CPNE3: variants seen among roughly 807,000 people sequenced by gnomAD.
CPNE3 encodes copine 3.
CPNE3 carries 68 observed loss-of-function variants against 63.9 expected under a neutral mutation model. That is an observed-to-expected ratio of 1.06 (90% confidence interval 0.87 to 1.30). The LOEUF (loss-of-function observed/expected upper bound fraction) is 1.30. Among genes scored for constraint, CPNE3 ranks in the 50% most tolerant of loss-of-function variants. CPNE3 has a pLI of 0.00. For synonymous variants in CPNE3, 219 were observed against 197.5 expected, an observed-to-expected ratio of 1.11 and a Z score of -0.91; for missense variants, 665 against 578.1, an observed-to-expected ratio of 1.15 and a Z score of -1.54.
At chr8:86,529,721 G>A (rs1482465882) in intron 4 of CPNE3, among the ~76,000 whole-genome samples, 1 of 152,142 alleles carries the variant, frequency 6.6e-6, no homozygotes, top group Non-Finnish European at 1.5e-5. Context: ...CGTGTCTCAT[G>A]GCTCCCCATT....
intron 12 of CPNE3, among the ~76,000 whole-genome samples, chr8:86,549,352 C>G (rs1831567078): frequency 6.6e-6 from 1 of 151,986 alleles, no homozygotes. Flanking sequence ...GAAAGGTGGT[C>G]AAATATAACA....
chr8:86,530,601 T>C (rs1820653669), intron 4 of CPNE3, among the ~76,000 whole-genome samples: 1 of 152,146 alleles, frequency 6.6e-6, no homozygotes, highest in Admixed American at 6.5e-5. Context: ...TTCACATACA[T>C]AGGAAGTTAA....
At chr8:86,534,281 A>G (rs1187781407) in intron 6 of CPNE3, among the ~76,000 whole-genome samples, 1 of 152,182 alleles carries the variant, frequency 6.6e-6, no homozygotes. Context: ...GGTGGCATGT[A>G]ATTCCATCAG....
chr8:86,527,462 G>A (rs892331860), intron 2 of CPNE3, among the ~76,000 whole-genome samples: 2 of 152,164 alleles, frequency 1.3e-5, no homozygotes, highest in Admixed American at 6.5e-5. Flanking sequence ...TGGGGAAGGA[G>A]GGGTCTATGG....
intron 14 of CPNE3, among the ~76,000 whole-genome samples, chr8:86,552,261 T>C (rs1821197940): frequency 6.6e-6 from 1 of 152,174 alleles, no homozygotes. Flanking sequence ...CATGAACAAT[T>C]TTTGTGGCGG....
At chr8:86,551,929 G>C (rs558204401) in intron 14 of CPNE3, among the ~76,000 whole-genome samples, 84 of 152,370 alleles carry the variant, frequency 5.5e-4, no homozygotes, top group African/African-American at 2.0e-3. Context: ...GCCTCCCAAA[G>C]TACTGGGATT....
chr8:86,533,012 CTTTT>C (rs1820714937), intron 6 of CPNE3, among the ~76,000 whole-genome samples: 1 of 145,968 alleles, frequency 6.9e-6, no homozygotes, highest in African/African-American at 2.5e-5. Flanking sequence ...TATAATAATT[CTTTT>C]ATCTATCTTA....
chr8:86,529,006 T>A lies in CPNE3; in HGVS notation c.194T>A (p.Ile65Asn). 6.2e-7 allele frequency: 1 copy of A among 1,613,862 alleles called. No homozygotes were observed. Among genetic ancestry groups the A allele is most frequent in the South Asian group, 1.1e-5 (1 of 91,080 alleles). Residue 65 changes from isoleucine to asparagine, a missense_variant, in exon 4 of 17, where the codon ATT becomes AAT. By Grantham distance (149) the Ile-to-Asn change is moderately radical (BLOSUM62 -3). Coordinates refer to ENST00000517490, the MANE Select transcript of CPNE3 (RefSeq NM_003909.5). The stretch of plus-strand genomic sequence containing the variant: ...CCCCAATTTTCCAAGACATTTATTA[T>A]TGATTACTACTTTGAAGTGGTTCAG... ...LNPQFSKTFI[I>N]DYYFEVVQKL...
At chr8:86,535,196 A>G (rs1179613535) in intron 6 of CPNE3, among the ~76,000 whole-genome samples, 1 of 151,958 alleles carries the variant, frequency 6.6e-6, no homozygotes, top group Non-Finnish European at 1.5e-5. Context: ...ATTAAAAGGA[A>G]CCTTACTTTA....
At chr8:86,554,038 C>T (rs1409200893) in intron 14 of CPNE3, 1 of 152,168 alleles carries the variant, frequency 6.6e-6, no homozygotes, top group Non-Finnish European at 1.5e-5. Flanking sequence ...CTGGAGTTCT[C>T]TCCATGTTTC....
chr8:86,550,575 G>A lies in CPNE3; in HGVS notation c.1014-471G>A, dbSNP rs116118356. Among the ~76,000 whole-genome samples the A allele has an allele frequency of 4.5e-3, 681 of 152,134 alleles. 6 individuals carry two copies. The highest frequency in any genetic ancestry group is 0.016 in the African/African-American group (649 of 41,496). ...GCTATTCATGTGATGTTATATATTCGGTCCACTGTCCCTCTCCCTAATGTA... is the reference window on the plus strand; with the variant it reads ...GCTATTCATGTGATGTTATATATTCAGTCCACTGTCCCTCTCCCTAATGTA... On this transcript the variant is annotated intron_variant, in intron 12 of 16. Coordinates refer to ENST00000517490, the MANE Select transcript of CPNE3 (RefSeq NM_003909.5).
intron 16 of CPNE3, among the ~76,000 whole-genome samples, chr8:86,556,949 C>T (rs540990860): frequency 1.3e-5 from 2 of 152,222 alleles, no homozygotes; most frequent in African/African-American, 2.4e-5. Flanking sequence ...TTTTTTTCCA[C>T]TCAGCATCAC....
At chr8:86,548,516 T>A (rs1403670840) in intron 12 of CPNE3, 82 bp downstream of exon 12, 3 of 1,538,606 alleles carry the variant, frequency 1.9e-6, no homozygotes, top group Non-Finnish European at 2.7e-6. Flanking sequence ...GCTAGCACTC[T>A]GATATAGGTG....
At chr8:86,542,328 A>C (rs10095589) in intron 8 of CPNE3, among the ~76,000 whole-genome samples, 1 of 152,112 alleles carries the variant, frequency 6.6e-6, no homozygotes, top group South Asian at 2.1e-4. Context: ...TTTCTTTGCC[A>C]TGTTGTGTTA....
At chr8:86,551,820 T>C (rs1376644308) in intron 14 of CPNE3, among the ~76,000 whole-genome samples, 3 of 152,210 alleles carry the variant, frequency 2.0e-5, no homozygotes, top group Non-Finnish European at 4.4e-5. Flanking sequence ...TTCACTTTTT[T>C]CTTTTATTTA....
At chr8:86,520,527 A>G (rs1485302686) in intron 2 of CPNE3, among the ~76,000 whole-genome samples, 3 of 151,056 alleles carry the variant, frequency 2.0e-5, no homozygotes, top group Middle Eastern at 3.4e-3. Context: ...GCACTCCAGC[A>G]TGGGCGACAA....
In CPNE3 at chr8:86,554,948, G is replaced by C; in HGVS notation, c.1218G>C (p.Arg406Ser). The change falls in exon 15 of 17, where the codon AGG becomes AGC. Residue 406 changes from arginine (R) to serine (S), a missense_variant. Transcript: ENST00000517490. Reference protein sequence around the residue: ...NFSPIINHVARFAAAATQQQT... With the variant: ...NFSPIINHVASFAAAATQQQT... ...CTCCAATCATAAATCACGTGGCCAG[G>C]TTTGCTGCTGCAGCCACGCAACAGC... 1 of 1,614,088 alleles carries C rather than the reference G, an allele frequency of 6.2e-7. No individual in the cohort carries two copies. Among genetic ancestry groups the C allele is most frequent in the Non-Finnish European group, 8.5e-7 (1 of 1,180,008 alleles).
chr8:86,553,746 TAA>T (rs1821245048), intron 14 of CPNE3, among the ~76,000 whole-genome samples: 2 of 140,140 alleles, frequency 1.4e-5, no homozygotes, highest in Non-Finnish European at 3.1e-5. Flanking sequence ...TGATTTACAT[TAA>T]GTTTTTTTTT....
Position 86,556,254 on chromosome 8 carries a change from T to C in CPNE3, c.1407T>C (p.Gly469=). 1.1e-6 allele frequency: 1 copy of C among 873,018 alleles called. No individual in the cohort carries two copies. Among genetic ancestry groups the C allele is most frequent in the South Asian group, 1.3e-5 (1 of 76,542 alleles). The allele number at this position is 873,018 out of a possible 1,614,324, so 54.1% of individuals were successfully genotyped here. A position where few individuals can be genotyped will look rare whatever the true frequency, so the allele number is the denominator to read the frequency against. ...TCAGCGCCATGGAGTTTCTGGATGG[T>C]GATGGTGGAAGTCTCCGCTCCCCAT... ...ADFSAMEFLD[G]DGGSLRSPLG... Residue 469 remains glycine, a synonymous_variant, in exon 16 of 17, where the codon GGT becomes GGC. Coordinates refer to ENST00000517490, the MANE Select transcript of CPNE3 (RefSeq NM_003909.5).
Sources: allele counts gnomAD v4.1 joint callset (sites outside exome capture counted in the v4.1 genomes callset), GRCh38; gene constraint gnomAD v4.1.1; transcripts MANE v1.5; gene names NCBI Gene and HGNC (gene_info 2026-07-23, HGNC 2026-07-21).